The following ELMO1 variants were observed in gnomAD, a reference collection of about 807,000 sequenced individuals.
ELMO1 encodes engulfment and cell motility protein 1.
Under a neutral mutation model 98.9 loss-of-function variants are expected in ELMO1, and 26 were observed. The ratio of observed to expected loss-of-function variants is 0.26; its 90% CI spans 0.19 to 0.36. The LOEUF (loss-of-function observed/expected upper bound fraction) is 0.36. Among genes scored for constraint, ELMO1 ranks in the 10% least tolerant of loss-of-function variants. The pLI is 1.00. For missense variants in ELMO1, 627 were observed against 935.2 expected, an observed-to-expected ratio of 0.67 and a Z score of 4.30; for synonymous variants, 346 against 346.0, an observed-to-expected ratio of 1.00 and a Z score of 0.00.
At chr7:36,896,319 G>C (rs1275462021) in intron 16 of ELMO1, among the ~76,000 whole-genome samples, 1 of 152,178 alleles carries the variant, frequency 6.6e-6, no homozygotes, top group Non-Finnish European at 1.5e-5. Context: ...CCACGAAGAT[G>C]GATTTGGCAT....
chr7:37,021,790 C>T (rs1794282746), intron 15 of ELMO1, among the ~76,000 whole-genome samples: 1 of 152,058 alleles, frequency 6.6e-6, no homozygotes, highest in Non-Finnish European at 1.5e-5. Flanking sequence ...ACATGTCAGT[C>T]GTTACTAGTT....
At chr7:37,206,831 T>A (rs1792653059) in intron 13 of ELMO1, among the ~76,000 whole-genome samples, 1 of 151,532 alleles carries the variant, frequency 6.6e-6, no homozygotes, top group African/African-American at 2.4e-5. Context: ...ATTTCTTTTT[T>A]TAAAAAAAAA....
chr7:37,211,229 A>C, intron 13 of ELMO1, 157 bp downstream of exon 13: 1 of 1,008,926 alleles, frequency 9.9e-7, no homozygotes, highest in Non-Finnish European at 1.4e-6. Context: ...AGAGATTTTC[A>C]TGTGATCCTG....
intron 4 of ELMO1, among the ~76,000 whole-genome samples, chr7:37,287,054 G>A (rs953752048): frequency 2.6e-5 from 4 of 151,980 alleles, no homozygotes; most frequent in Admixed American, 6.6e-5. Context: ...TTAGCCAGGC[G>A]TGGTGGCATA....
chr7:37,284,877 T>A (rs1797314168), intron 4 of ELMO1, among the ~76,000 whole-genome samples: 1 of 152,300 alleles, frequency 6.6e-6, no homozygotes, highest in African/African-American at 2.4e-5. Flanking sequence ...GGTTGCCAGC[T>A]GCGGCAATGT....
intron 21 of ELMO1, among the ~76,000 whole-genome samples, chr7:36,859,819 G>T (rs916321222): frequency 6.6e-6 from 1 of 152,182 alleles, no homozygotes; most frequent in Non-Finnish European, 1.5e-5. Context: ...TTTTAACTGT[G>T]TGGGTCACTT....
intron 1 of ELMO1, among the ~76,000 whole-genome samples, chr7:37,424,207 T>C (rs978264656): frequency 1.3e-5 from 2 of 152,210 alleles, no homozygotes; most frequent in Admixed American, 1.3e-4. Context: ...AGAAAAGCCA[T>C]ATGCTTTGAT....
At chr7:37,130,064 A>C (rs1421550431) in intron 14 of ELMO1, among the ~76,000 whole-genome samples, 1 of 152,118 alleles carries the variant, frequency 6.6e-6, no homozygotes, top group African/African-American at 2.4e-5. Context: ...CTGAGCCTAG[A>C]TGTCACTTCC....
chr7:37,328,853 C>T (rs1310457469), intron 2 of ELMO1, among the ~76,000 whole-genome samples: 2 of 152,196 alleles, frequency 1.3e-5, no homozygotes, highest in African/African-American at 2.4e-5. Flanking sequence ...CATATCCTTT[C>T]ATAACCTCAA....
intron 13 of ELMO1, among the ~76,000 whole-genome samples, chr7:37,167,420 T>C (rs1789795744): frequency 6.6e-6 from 1 of 152,022 alleles, no homozygotes; most frequent in Non-Finnish European, 1.5e-5. Context: ...GTTGATGCAG[T>C]TTCTTCCTAG....
chr7:37,362,239 C>A (rs1216654750), intron 1 of ELMO1, among the ~76,000 whole-genome samples: 2 of 126,406 alleles, frequency 1.6e-5, no homozygotes, highest in African/African-American at 5.6e-5. Flanking sequence ...TATATAATTT[C>A]TCCGTTACAT....
chr7:36,859,920 G>A (rs898690455), intron 21 of ELMO1, among the ~76,000 whole-genome samples: 5 of 151,882 alleles, frequency 3.3e-5, no homozygotes, highest in South Asian at 2.1e-4. Flanking sequence ...TCTAGCCTCT[G>A]CCACCCCTGA....
At chr7:37,110,713 CCA>C (rs1172569568) in intron 14 of ELMO1, among the ~76,000 whole-genome samples, 2 of 152,136 alleles carry the variant, frequency 1.3e-5, no homozygotes, top group African/African-American at 2.4e-5. Flanking sequence ...AAAGAAAAAT[CCA>C]CAGTCTCCTC....
chr7:37,438,972 C>T (rs1805277215), intron 1 of ELMO1, among the ~76,000 whole-genome samples: 1 of 152,244 alleles, frequency 6.6e-6, no homozygotes, highest in Non-Finnish European at 1.5e-5. Context: ...CTGGCCTCCC[C>T]TCCTTTACCT....
intron 16 of ELMO1, among the ~76,000 whole-genome samples, chr7:36,974,737 C>T (rs1356070525): frequency 1.3e-5 from 2 of 152,160 alleles, no homozygotes; most frequent in South Asian, 2.1e-4. Flanking sequence ...TTTGTTCTTT[C>T]GCTCTTTGCA....
intron 16 of ELMO1, among the ~76,000 whole-genome samples, chr7:36,917,745 G>A (rs6462723): frequency 0.12 from 18,156 of 152,190 alleles, 1,149 homozygotes; most frequent in Middle Eastern, 0.17. Context: ...TCCTGGACAC[G>A]TATCCCAGAT....
At chr7:36,901,819 G>A (rs1163671673) in intron 16 of ELMO1, among the ~76,000 whole-genome samples, 2 of 152,044 alleles carry the variant, frequency 1.3e-5, no homozygotes, top group African/African-American at 2.4e-5. Flanking sequence ...TAATCCCCTC[G>A]CAGCTTGCAA....
intron 16 of ELMO1, among the ~76,000 whole-genome samples, chr7:36,968,392 C>T (rs1373974304): frequency 2.0e-5 from 3 of 152,114 alleles, no homozygotes; most frequent in African/African-American, 7.2e-5. Context: ...CTAATCTATA[C>T]TTCAACTGGC....
At chr7:36,987,237 C>CG (rs1304011750) in intron 16 of ELMO1, among the ~76,000 whole-genome samples, 4 of 152,072 alleles carry the variant, frequency 2.6e-5, no homozygotes, top group African/African-American at 9.7e-5. Flanking sequence ...CCAAATTCCC[C>CG]GGGTTGCATG....
Sources: allele counts gnomAD v4.1 joint callset (sites outside exome capture counted in the v4.1 genomes callset), GRCh38; gene constraint gnomAD v4.1.1; transcripts MANE v1.5; gene names NCBI Gene and HGNC (gene_info 2026-07-23, HGNC 2026-07-21).